EFNA5: variants seen among roughly 807,000 people sequenced by gnomAD.
EFNA5 encodes ephrin A5, also known as ephrin-A5.
Under a neutral mutation model 22.9 loss-of-function variants are expected in EFNA5, and 5 were observed. The observed-to-expected ratio is 0.22, with a 90% CI of 0.11 to 0.46. The LOEUF (loss-of-function observed/expected upper bound fraction) is 0.46. Ranked by LOEUF, EFNA5 falls within the 20% of genes least tolerant of loss-of-function variation. The pLI, the probability that EFNA5 is intolerant of heterozygous loss-of-function variation, is 0.99. For synonymous variants in EFNA5, 113 were observed against 112.2 expected (o/e 1.01, Z -0.04); for missense variants, 237 against 293.3 (o/e 0.81, Z 1.40).
intron 1 of EFNA5, among the ~76,000 whole-genome samples, chr5:107,572,447 T>TG (rs1310402641): frequency 6.6e-6 from 1 of 152,176 alleles, no homozygotes. Context: ...CTTGCTGCTT[T>TG]GCAAGTGAGA....
intron 1 of EFNA5, among the ~76,000 whole-genome samples, chr5:107,643,784 T>A (rs1033049189): frequency 2.6e-5 from 4 of 152,046 alleles, no homozygotes; most frequent in Admixed American, 6.5e-5. Flanking sequence ...AGTCATGTTT[T>A]ATCAGCTTAA....
intron 2 of EFNA5, among the ~76,000 whole-genome samples, chr5:107,421,189 T>C (rs927578882): frequency 6.6e-6 from 1 of 152,338 alleles, no homozygotes; most frequent in Middle Eastern, 3.4e-3. Context: ...AAGATAAAAC[T>C]GTAAACTTTT....
chr5:107,638,849 C>T (rs75407349), intron 1 of EFNA5, among the ~76,000 whole-genome samples: 2 of 151,892 alleles, frequency 1.3e-5, no homozygotes, highest in Non-Finnish European at 2.9e-5. Flanking sequence ...TATACACACA[C>T]AAAAAAATAA....
intron 1 of EFNA5, among the ~76,000 whole-genome samples, chr5:107,473,262 ATT>A (rs35926074): frequency 0.05 from 6,724 of 135,124 alleles, 251 homozygotes; most frequent in African/African-American, 0.12. Flanking sequence ...TCCAGGTCTG[ATT>A]TTTTTTTTTT....
intron 1 of EFNA5, among the ~76,000 whole-genome samples, chr5:107,626,358 A>G (rs937929227): frequency 2.0e-5 from 3 of 152,084 alleles, no homozygotes; most frequent in Non-Finnish European, 4.4e-5. Context: ...AGCTCACTGT[A>G]ACCTCAAACT....
At chr5:107,451,514 T>C (rs187664715) in intron 1 of EFNA5, among the ~76,000 whole-genome samples, 39 of 152,312 alleles carry the variant, frequency 2.6e-4, no homozygotes, top group Non-Finnish European at 4.7e-4. Context: ...ACTACTTCAT[T>C]GTTTTGGAGG....
At chr5:107,459,239 C>G (rs1247401850) in intron 1 of EFNA5, among the ~76,000 whole-genome samples, 1 of 151,524 alleles carries the variant, frequency 6.6e-6, no homozygotes, top group Non-Finnish European at 1.5e-5. Flanking sequence ...ACCAAAAATA[C>G]AAAAAATTAG....
At chr5:107,455,463 C>A (rs1242334969) in intron 1 of EFNA5, among the ~76,000 whole-genome samples, 2 of 152,146 alleles carry the variant, frequency 1.3e-5, no homozygotes, top group East Asian at 1.9e-4. Context: ...CCTCCTTAAG[C>A]TGGCACATTT....
chr5:107,559,838 G>A (rs1198173372), intron 1 of EFNA5, among the ~76,000 whole-genome samples: 2 of 152,112 alleles, frequency 1.3e-5, no homozygotes, highest in Admixed American at 6.5e-5. Context: ...TATCCTTTGG[G>A]GAGTTTATTT....
At chr5:107,459,169 G>C (rs1363722932) in intron 1 of EFNA5, among the ~76,000 whole-genome samples, 1 of 152,016 alleles carries the variant, frequency 6.6e-6, no homozygotes, top group Non-Finnish European at 1.5e-5. Context: ...TGAGGCAGGT[G>C]GATCACCTGA....
intron 1 of EFNA5, among the ~76,000 whole-genome samples, chr5:107,561,955 G>A (rs149055997): frequency 2.0e-3 from 302 of 152,172 alleles, no homozygotes; most frequent in African/African-American, 7.0e-3. Flanking sequence ...GTAAGGAACC[G>A]AATGCAGTGT....
At chr5:107,391,921 G>A (rs1747802979) in intron 2 of EFNA5, among the ~76,000 whole-genome samples, 1 of 152,182 alleles carries the variant, frequency 6.6e-6, no homozygotes, top group African/African-American at 2.4e-5. Flanking sequence ...CATGACCTCA[G>A]ACAGGGGCTC....
At position 107,477,494 on chromosome 5, in the gene EFNA5, CTACAT is replaced by C. The variant is rs539783486; in HGVS notation, c.126-49990_126-49986del. Reference sequence around the variant, plus strand: ...AGGTATTACTGCTCTAGAAAATTGTCTACATTAATTTATAACTGTAAAAGGATCTC... The same window carrying C: ...AGGTATTACTGCTCTAGAAAATTGTCTAATTTATAACTGTAAAAGGATCTC... On this transcript the variant is annotated intron_variant, in intron 1 of 4. Transcript: ENST00000333274. Among the ~76,000 whole-genome samples the C allele has an allele frequency of 5.3e-5, 8 of 152,300 alleles. No homozygotes were observed. The South Asian group carries it at 1.7e-3, about 32-fold the overall frequency.
At chr5:107,590,658 G>C (rs1749302985) in intron 1 of EFNA5, among the ~76,000 whole-genome samples, 1 of 152,022 alleles carries the variant, frequency 6.6e-6, no homozygotes, top group Admixed American at 6.6e-5. Flanking sequence ...CTCCCAAAGT[G>C]CTAGGATTAC....
chr5:107,385,686 T>C (rs571518122), intron 4 of EFNA5, among the ~76,000 whole-genome samples: 1 of 151,986 alleles, frequency 6.6e-6, no homozygotes, highest in East Asian at 1.9e-4. Flanking sequence ...GTGTAGAGTC[T>C]GGGGTTGTTA....
In EFNA5 at chr5:107,668,744, G is replaced by GA. The variant is rs1163308532; in HGVS notation, c.125+1744dup. The stretch of plus-strand genomic sequence containing the variant: ...TGCTGCCTAATAAAGCACAAACGGG[G>GA]AAAAAAAACTAACCAACATAATGAG... On this transcript the variant is annotated intron_variant, in intron 1 of 4. Coordinates refer to ENST00000333274, the MANE Select transcript of EFNA5 (RefSeq NM_001962.3). Among the ~76,000 whole-genome samples the GA allele has an allele frequency of 2.2e-3, 339 of 151,922 alleles. 2 individuals are homozygous for GA. The highest frequency in any genetic ancestry group is 7.8e-3 in the African/African-American group (324 of 41,402).
At chr5:107,452,871 C>T (rs1000687298) in intron 1 of EFNA5, among the ~76,000 whole-genome samples, 10 of 152,122 alleles carry the variant, frequency 6.6e-5, no homozygotes, top group African/African-American at 2.4e-4. Flanking sequence ...CATGCATACA[C>T]AGAAAGGCTT....
intron 1 of EFNA5, among the ~76,000 whole-genome samples, chr5:107,544,437 G>A (rs1400367630): frequency 2.6e-5 from 4 of 152,118 alleles, no homozygotes; most frequent in Non-Finnish European, 4.4e-5. Flanking sequence ...TAACCTCTGG[G>A]AGTACCAAAT....
chr5:107,432,625 G>C (rs1202448794), intron 1 of EFNA5, among the ~76,000 whole-genome samples: 1 of 152,130 alleles, frequency 6.6e-6, no homozygotes, highest in East Asian at 1.9e-4. Flanking sequence ...ACTTAGAAAA[G>C]CAATTGTGTT....
Sources: allele counts gnomAD v4.1 joint callset (sites outside exome capture counted in the v4.1 genomes callset), GRCh38; gene constraint gnomAD v4.1.1; transcripts MANE v1.5; gene names NCBI Gene and HGNC (gene_info 2026-07-23, HGNC 2026-07-21).